ZNF224: variants seen among roughly 807,000 people sequenced by gnomAD.
The protein encoded by ZNF224 is zinc finger protein 224.
ZNF224 carries 8 observed loss-of-function variants against 10.5 expected under a neutral mutation model. The ratio of observed to expected loss-of-function variants is 0.76; its 90% CI spans 0.45 to 1.37. ZNF224 has a LOEUF of 1.37. Among genes scored for constraint, ZNF224 ranks in the 40% most tolerant of loss-of-function variants. The probability of loss-of-function intolerance (pLI) is 0.00; values close to 1 mark genes in which losing one functional copy is unlikely to be tolerated. For synonymous variants in ZNF224, 282 were observed against 287.8 expected (o/e 0.98, Z 0.20); for missense variants, 754 against 854.0 (o/e 0.88, Z 1.46).
chr19:44,094,895 A>T (rs1425912336), intron 1 of ZNF224: 3 of 152,560 alleles, frequency 2.0e-5, no homozygotes, highest in Non-Finnish European at 4.4e-5. Context: ...CCCACGAAGG[A>T]CCGGGTGGGG....
chr19:44,108,395 C>A lies in ZNF224; in HGVS notation c.*111C>A. On this transcript the variant is annotated 3_prime_UTR_variant, in exon 6 of 6. Coordinates refer to ENST00000693561, the MANE Select transcript of ZNF224 (RefSeq NM_001321645.3). The stretch of plus-strand genomic sequence containing the variant: ...TATGAGGCACATAGTAAGCACTTCC[C>A]TTTGAGTATTTTATCTCTGAATCCA... The A allele has an allele frequency of 1.8e-6, 2 of 1,111,814 alleles. No homozygotes were observed. The highest frequency in any genetic ancestry group is 2.4e-5 in the East Asian group (1 of 40,832). 68.9% of individuals were successfully genotyped at this position (1,111,814 alleles called of 1,614,324 possible).
Position 44,107,983 on chromosome 19 carries a change from C to T in ZNF224, c.1823C>T (p.Ser608Phe), listed in dbSNP as rs138412513. The change falls in exon 6 of 6, where the codon TCC (serine) becomes TTC (phenylalanine). Residue 608 changes from serine (S) to phenylalanine (F), a missense_variant. Physicochemically the swap from Ser to Phe is radical, Grantham distance 155. Coordinates refer to ENST00000693561, the MANE Select transcript of ZNF224 (RefSeq NM_001321645.3). Reference sequence around the variant, plus strand: ...GAGTGTGGGAAGGGCTTCAGCTGGTCCTCAACTCGTCTGACCCATCAGAGA... The same window carrying T: ...GAGTGTGGGAAGGGCTTCAGCTGGTTCTCAACTCGTCTGACCCATCAGAGA... ...CDECGKGFSWSSTRLTHQRRH... is the reference protein window; with the variant it reads ...CDECGKGFSWFSTRLTHQRRH... 168 of 1,614,060 alleles carry T rather than the reference C, an allele frequency of 1.0e-4. 3 individuals are homozygous for T. The Middle Eastern group carries it at 2.5e-3, about 24-fold the overall frequency.
Position 44,107,905 on chromosome 19 carries a change from A to G in ZNF224, c.1745A>G (p.Gln582Arg), listed in dbSNP as rs769522484. The G allele has an allele frequency of 5.0e-6, 8 of 1,613,934 alleles. No individual in the cohort carries two copies. In the East Asian group the frequency reaches 1.6e-4, roughly 31 times the overall value. ...GGGAAAAGATTTACTCAGAATTCAC[A>G]GCTTCATTCTCATCAAAGAGTGCAC... ...ECGKRFTQNSQLHSHQRVHTG... is the reference protein window; with the variant it reads ...ECGKRFTQNSRLHSHQRVHTG... Residue 582 changes from glutamine to arginine, a missense_variant, in exon 6 of 6, where the codon CAG becomes CGG. Transcript: ENST00000693561.
chr19:44,100,236 A>C lies in ZNF224; in HGVS notation c.16-565A>C, dbSNP rs1379394069. Among the ~76,000 whole-genome samples the C allele has an allele frequency of 5.9e-5, 9 of 152,324 alleles. No individual in the cohort carries two copies. In the South Asian group the frequency reaches 1.0e-3, roughly 18 times the overall value. On this transcript the variant is annotated intron_variant, in intron 3 of 5. Coordinates refer to ENST00000693561, the MANE Select transcript of ZNF224 (RefSeq NM_001321645.3). The stretch of plus-strand genomic sequence containing the variant: ...TGACTGGGAAGGGACAGAGCCTTAT[A>C]TATGCGCTCTGAGGCACGCTGGCTG...
rs371070960 is a variant in ZNF224, at chr19:44,100,819, G to T, written c.34G>T (p.Asp12Tyr). The change falls in exon 4 of 6, where the codon GAC becomes TAC. Residue 12 changes from aspartate (D) to tyrosine (Y), a missense_variant. Asp to Tyr is a radical substitution (Grantham distance 160). Transcript: ENST00000693561. ...GCTATAGGAGGCAATGACCTTCAAG[G>T]ACGTGGCTGTGGTCTTCACTGAGGA... ...TTFKEAMTFKDVAVVFTEEEL... is the reference protein window; with the variant it reads ...TTFKEAMTFKYVAVVFTEEEL... The T allele has an allele frequency of 6.2e-7, 1 of 1,613,852 alleles. No homozygotes were observed. Among genetic ancestry groups the T allele is most frequent in the African/African-American group, 1.3e-5 (1 of 74,888 alleles).
intron 3 of ZNF224, among the ~76,000 whole-genome samples, chr19:44,099,275 G>A (rs966600966): frequency 6.6e-6 from 1 of 152,006 alleles, no homozygotes; most frequent in African/African-American, 2.4e-5. Context: ...ACCCAAGGAC[G>A]GCAATTACCA....
Position 44,108,229 on chromosome 19 carries a change from G to A in ZNF224, c.2069G>A (p.Ser690Asn), listed in dbSNP as rs1344574069. The change falls in exon 6 of 6, where the codon AGT (serine) becomes AAT (asparagine). Residue 690 changes from serine (S) to asparagine (N), a missense_variant. Coordinates refer to ENST00000693561, the MANE Select transcript of ZNF224 (RefSeq NM_001321645.3). ...WKCRECDMCF[S>N]QASSLRLHQN... is the part of the protein sequence containing the mutation. ...TGTAGGGAGTGTGATATGTGCTTTA[G>A]TCAGGCCTCAAGCCTTCGACTTCAT... 6.2e-7 allele frequency: 1 copy of A among 1,613,846 alleles called. No individual in the cohort carries two copies. Among genetic ancestry groups the A allele is most frequent in the African/African-American group, 1.3e-5 (1 of 74,882 alleles).
Position 44,100,860 on chromosome 19 carries a change from G to A in ZNF224, c.75G>A (p.Leu25=), listed in dbSNP as rs745323493. The change falls in exon 4 of 6, where the codon CTG becomes CTA. Residue 25 remains leucine, a synonymous_variant. Transcript: ENST00000693561. ...TCACTGAGGAAGAGCTGGGGCTGCT[G>A]GACCTTGCTCAGAGGAAGCTGTATC... ...VVFTEEELGL[L]DLAQRKLYRD... 22 of 1,614,024 alleles carry A rather than the reference G, an allele frequency of 1.4e-5. No homozygotes were observed. Among genetic ancestry groups the A allele is most frequent in the Non-Finnish European group, 1.8e-5 (21 of 1,180,024 alleles).
rs3208194 is a variant in ZNF224 at position 44,107,755 on chromosome 19, A to G, written c.1595A>G (p.Lys532Arg). 1 of 1,609,374 alleles carries G rather than the reference A, an allele frequency of 6.2e-7. No homozygotes were observed. Among genetic ancestry groups the G allele is most frequent in the Non-Finnish European group, 8.5e-7 (1 of 1,178,440 alleles). ...AAGTTTAATCTTGATATGCACCAGA[A>G]GGTCCACACAGGAGAGAGACCATAC... ...NSKFNLDMHQKVHTGERPYNC... is the reference protein window; with the variant it reads ...NSKFNLDMHQRVHTGERPYNC... The change falls in exon 6 of 6, where the codon AAG becomes AGG. Residue 532 changes from lysine to arginine, a missense_variant. Lys to Arg is a conservative substitution (Grantham distance 26). Coordinates refer to ENST00000693561, the MANE Select transcript of ZNF224 (RefSeq NM_001321645.3).
chr19:44,100,797 A>T lies in ZNF224; in HGVS notation c.16-4A>T, dbSNP rs765364814. 30 of 1,612,916 alleles carry T rather than the reference A, an allele frequency of 1.9e-5. No individual in the cohort carries two copies. The highest frequency in any genetic ancestry group is 2.5e-5 in the Non-Finnish European group (30 of 1,179,420). On this transcript the variant is annotated splice_polypyrimidine_tract_variant and splice_region_variant and intron_variant, in intron 3 of 5. Coordinates refer to ENST00000693561, the MANE Select transcript of ZNF224 (RefSeq NM_001321645.3). ...ACTGAGATTGCATATGTTTGATGCTATAGGAGGCAATGACCTTCAAGGACG... is the reference window on the plus strand; with the variant it reads ...ACTGAGATTGCATATGTTTGATGCTTTAGGAGGCAATGACCTTCAAGGACG...
chr19:44,094,742 C>T (rs1301119687), intron 1 of ZNF224: 7 of 152,262 alleles, frequency 4.6e-5, no homozygotes, highest in East Asian at 1.9e-4. Context: ...TGTTAATCTC[C>T]TTGGGTTTCC....
At chr19:44,097,771 A>G (rs1297629174) in intron 2 of ZNF224, 35 bp from the exon 3 acceptor site, 2 of 1,371,602 alleles carry the variant, frequency 1.5e-6, no homozygotes, top group Admixed American at 1.8e-5. Context: ...CCACCTTTTC[A>G]TGTCTCTTTT....
rs1046638662 is a variant in ZNF224 at position 44,097,854 on chromosome 19, T to C, written c.-20T>C. 5 of 1,613,786 alleles carry C rather than the reference T, an allele frequency of 3.1e-6. No homozygotes were observed. Among genetic ancestry groups the C allele is most frequent in the Non-Finnish European group, 4.2e-6 (5 of 1,179,936 alleles). Reference sequence around the variant, plus strand: ...CTGCATCACTCAGGACTCTGCAAGTTTCCAGAAGTAAGAGGGAAAATGACC... The same window carrying C: ...CTGCATCACTCAGGACTCTGCAAGTCTCCAGAAGTAAGAGGGAAAATGACC... On this transcript the variant is annotated 5_prime_UTR_variant, in exon 3 of 6. Transcript: ENST00000693561.
rs1285026282 is a variant in ZNF224 at position 44,096,368 on chromosome 19, T to TA, written c.-130dup. ...CTGAATACCACTAGAAACATACCTGTAACCAGAGACAGCTGATTATAGCTT... is the reference window on the plus strand; with the variant it reads ...CTGAATACCACTAGAAACATACCTGTAAACCAGAGACAGCTGATTATAGCTT... On this transcript the variant is annotated 5_prime_UTR_variant, in exon 2 of 6. Coordinates refer to ENST00000693561, the MANE Select transcript of ZNF224 (RefSeq NM_001321645.3). 6.6e-6 allele frequency: 1 copy of TA among 152,218 alleles called. No homozygotes were observed. Among genetic ancestry groups the TA allele is most frequent in the African/African-American group, 2.4e-5 (1 of 41,448 alleles). 9.4% of individuals were successfully genotyped at this position (152,218 alleles called of 1,614,324 possible). A position where few individuals can be genotyped will look rare whatever the true frequency, so the allele number is the denominator to read the frequency against.
At chr19:44,096,801 T>C (rs1295963533) in intron 2 of ZNF224, among the ~76,000 whole-genome samples, 1 of 152,246 alleles carries the variant, frequency 6.6e-6, no homozygotes, top group East Asian at 1.9e-4. Context: ...TTGATATTTT[T>C]GAAGAGTATA....
intron 5 of ZNF224, chr19:44,106,118 C>A: frequency 3.4e-6 from 1 of 290,394 alleles, no homozygotes; most frequent in African/African-American, 6.1e-5. Flanking sequence ...TACTAATTTA[C>A]ATTCACACCA....
Position 44,107,568 on chromosome 19 carries a change from T to C in ZNF224, c.1408T>C (p.Cys470Arg). The change falls in exon 6 of 6, where the codon TGT becomes CGT. Residue 470 changes from cysteine (C) to arginine (R), a missense_variant. Cys to Arg is a radical substitution (Grantham distance 180, BLOSUM62 -3). Transcript: ENST00000693561. Reference sequence around the variant, plus strand: ...TGGGAAGAGCTTTAGTCGGGCCCCATGTCTTTTGAAACATGAGAGACTCCA... The same window carrying C: ...TGGGAAGAGCTTTAGTCGGGCCCCACGTCTTTTGAAACATGAGAGACTCCA... ...ECGKSFSRAP[C>R]LLKHERLHSG... 1 of 1,613,696 alleles carries C rather than the reference T, an allele frequency of 6.2e-7. No homozygotes were observed. Among genetic ancestry groups the C allele is most frequent in the Middle Eastern group, 1.6e-4 (1 of 6,062 alleles).
Position 44,096,414 on chromosome 19 carries a change from G to C in ZNF224, c.-86G>C, listed in dbSNP as rs116769257. On this transcript the variant is annotated 5_prime_UTR_variant, in exon 2 of 6. Coordinates refer to ENST00000693561, the MANE Select transcript of ZNF224 (RefSeq NM_001321645.3). ...AGCTTTCTGCAGCAAGGAAGCCCAC[G>C]TACCAGGGGCTGTCTTGGTAAGTAG... The C allele has an allele frequency of 3.3e-5, 5 of 152,138 alleles. No homozygotes were observed. The highest frequency in any genetic ancestry group is 4.8e-5 in the African/African-American group (2 of 41,432). The allele number at this position is 152,138 out of a possible 1,614,324, so 9.4% of individuals were successfully genotyped here. A position where few individuals can be genotyped will look rare whatever the true frequency, so the allele number is the denominator to read the frequency against.
chr19:44,108,149 G>T lies in ZNF224; in HGVS notation c.1989G>T (p.Arg663Ser), dbSNP rs746156154. The change falls in exon 6 of 6, where the codon AGG becomes AGT. Residue 663 changes from arginine to serine, a missense_variant. Arg to Ser is a moderately radical substitution (Grantham distance 110, BLOSUM62 -1). Coordinates refer to ENST00000693561, the MANE Select transcript of ZNF224 (RefSeq NM_001321645.3). ...KCEDCGKGYN[R>S]RLNLDMHQRV... ...AGGACTGTGGGAAGGGCTACAACAG[G>T]CGCTTGAATCTTGATATGCATCAGA... 68 of 1,614,116 alleles carry T rather than the reference G, an allele frequency of 4.2e-5. No individual in the cohort carries two copies. The highest frequency in any genetic ancestry group is 5.6e-5 in the Non-Finnish European group (66 of 1,180,054).
Sources: gnomAD v4.1 joint callset for allele counts (sites outside exome capture counted in the v4.1 genomes callset) on GRCh38, gnomAD v4.1.1 for gene constraint, MANE v1.5 for transcripts, NCBI Gene and HGNC (gene_info 2026-07-23, HGNC 2026-07-21) for gene names.